The following LARP4 variants were observed in gnomAD, a reference collection of about 807,000 sequenced individuals.
LARP4 encodes la-related protein 4.
LARP4 carries 29 observed loss-of-function variants against 92.9 expected under a neutral mutation model. The ratio of observed to expected loss-of-function variants is 0.31; its 90% CI spans 0.23 to 0.43. The LOEUF (loss-of-function observed/expected upper bound fraction) is 0.43. LARP4 is among the 20% of genes least tolerant of loss of function. The pLI is 1.00. For missense variants in LARP4, 732 were observed against 860.0 expected (o/e 0.85, Z 1.86); for synonymous variants, 279 against 284.1 (o/e 0.98, Z 0.18).
At chr12:50,423,551 C>T (rs759494392) in intron 1 of LARP4, among the ~76,000 whole-genome samples, 41 of 152,160 alleles carry the variant, frequency 2.7e-4, no homozygotes, top group Non-Finnish European at 4.6e-4. Flanking sequence ...AGGGTTCCAG[C>T]GATTCTCCTG....
chr12:50,424,303 G>A (rs1370724671), intron 1 of LARP4, among the ~76,000 whole-genome samples: 4 of 152,034 alleles, frequency 2.6e-5, no homozygotes, highest in Non-Finnish European at 5.9e-5. Flanking sequence ...CCCGGAGTTT[G>A]AGGCTACAGT....
At chr12:50,465,805 A>G (rs2138862837) in intron 12 of LARP4, among the ~76,000 whole-genome samples, 1 of 152,330 alleles carries the variant, frequency 6.6e-6, no homozygotes, top group Non-Finnish European at 1.5e-5. Context: ...TATTTTTGTA[A>G]ATTTACAGAG....
In LARP4 at chr12:50,473,992, TCC is replaced by T; in HGVS notation, c.1668-6_1668-5del. Reference sequence around the variant, plus strand: ...CTGAGTCTAATTGCAAGCTCTTTTTTCCTTAGCACAACTCAGCAAGAAAAGGA... The same window carrying T: ...CTGAGTCTAATTGCAAGCTCTTTTTTTTAGCACAACTCAGCAAGAAAAGGA... On this transcript the variant is annotated splice_region_variant and splice_polypyrimidine_tract_variant and intron_variant, in intron 14 of 15. Transcript: ENST00000398473. The T allele has an allele frequency of 6.2e-7, 1 of 1,608,560 alleles. No individual in the cohort carries two copies. The highest frequency in any genetic ancestry group is 8.5e-7 in the Non-Finnish European group (1 of 1,178,868).
Position 50,477,001 on chromosome 12 carries a change from A to C in LARP4, c.*1137A>C, listed in dbSNP as rs983465657. On this transcript the variant is annotated 3_prime_UTR_variant, in exon 16 of 16. Coordinates refer to ENST00000398473, the MANE Select transcript of LARP4 (RefSeq NM_052879.5). ...CATAGTAACTGACTCTTAAGTGTTA[A>C]ATAATGTAGAAGTAAAAAAATTTTT... 5.3e-5 allele frequency: 8 copies of C among 152,364 alleles called. No individual in the cohort carries two copies. The highest frequency in any genetic ancestry group is 5.2e-4 in the Admixed American group (8 of 15,262). The allele number at this position is 152,364 out of a possible 1,614,324, so 9.4% of individuals were successfully genotyped here.
chr12:50,455,708 T>C (rs1954100046), intron 10 of LARP4, among the ~76,000 whole-genome samples: 1 of 152,212 alleles, frequency 6.6e-6, no homozygotes, highest in South Asian at 2.1e-4. Context: ...TACTCTTTAA[T>C]AGTCAGAGTT....
chr12:50,454,073 C>T (rs1162919583), intron 9 of LARP4, among the ~76,000 whole-genome samples: 2 of 152,102 alleles, frequency 1.3e-5, no homozygotes, highest in Non-Finnish European at 2.9e-5. Context: ...ATAACTTTTG[C>T]GTGATTTTAA....
At chr12:50,420,285 G>A (rs1947508594) in intron 1 of LARP4, among the ~76,000 whole-genome samples, 1 of 152,144 alleles carries the variant, frequency 6.6e-6, no homozygotes, top group African/African-American at 2.4e-5. Flanking sequence ...CTGGAAGAAC[G>A]ATCGTAAGAA....
chr12:50,426,731 G>GTGTGTGTGTGTGTGTGTGTGT (rs1483728898), intron 1 of LARP4, among the ~76,000 whole-genome samples: 3 of 79,738 alleles, frequency 3.8e-5, no homozygotes, highest in Admixed American at 1.4e-4. Flanking sequence ...GTGTGTGTGT[G>GTGTGTGTGTGTGTGTGTGTGT]GTTTTTTTTT....
chr12:50,446,003 CTTTTTTT>C (rs71441367), intron 8 of LARP4, among the ~76,000 whole-genome samples: 13 of 126,948 alleles, frequency 1.0e-4, no homozygotes, highest in African/African-American at 2.9e-4. Flanking sequence ...TTTCTTTTTT[CTTTTTTT>C]TTTTTTTTTT....
At chr12:50,415,421 A>C (rs1946595284) in intron 1 of LARP4, among the ~76,000 whole-genome samples, 1 of 152,084 alleles carries the variant, frequency 6.6e-6, no homozygotes, top group South Asian at 2.1e-4. Flanking sequence ...AATGATTTTG[A>C]TCAGTTATTA....
chr12:50,426,940 G>A (rs1226744227), intron 1 of LARP4, among the ~76,000 whole-genome samples: 2 of 151,832 alleles, frequency 1.3e-5, no homozygotes, highest in Non-Finnish European at 2.9e-5. Flanking sequence ...GTTTCTCTGT[G>A]TTGCCCAGGC....
chr12:50,451,755 A>G (rs991618071), intron 8 of LARP4, among the ~76,000 whole-genome samples: 2 of 151,670 alleles, frequency 1.3e-5, no homozygotes, highest in Non-Finnish European at 2.9e-5. Context: ...GATAATTGCT[A>G]GAACCTAGGA....
At chr12:50,458,150 G>C (rs1025907475) in intron 10 of LARP4, among the ~76,000 whole-genome samples, 9 of 151,774 alleles carry the variant, frequency 5.9e-5, no homozygotes, top group African/African-American at 1.7e-4. Context: ...TGTTGTGCAG[G>C]CTGGTCTCAA....
intron 1 of LARP4, among the ~76,000 whole-genome samples, chr12:50,403,853 G>C (rs537834805): frequency 2.6e-4 from 39 of 152,310 alleles, no homozygotes; most frequent in African/African-American, 7.9e-4. Flanking sequence ...AGGAACGTTT[G>C]ATGTTTTTGC....
intron 10 of LARP4, among the ~76,000 whole-genome samples, chr12:50,457,407 A>G (rs1454581831): frequency 6.6e-6 from 1 of 152,068 alleles, no homozygotes; most frequent in Admixed American, 6.5e-5. Flanking sequence ...GGGTTTCACC[A>G]TGTTGGCCAG....
In LARP4 at chr12:50,438,431, C is replaced by T. The variant is rs896786015; in HGVS notation, c.639+593C>T. On this transcript the variant is annotated intron_variant, in intron 6 of 15. Coordinates refer to ENST00000398473, the MANE Select transcript of LARP4 (RefSeq NM_052879.5). ...AGAATGGTGTGAACCTGGGAGCTTG[C>T]AGTGAGCTGAGATCAAGCCACTGCA... Among the ~76,000 whole-genome samples, 8 of 148,990 alleles carry T rather than the reference C, an allele frequency of 5.4e-5. No homozygotes were observed. The Admixed American group carries it at 5.4e-4, about 10-fold the overall frequency.
intron 1 of LARP4, among the ~76,000 whole-genome samples, chr12:50,404,553 T>C (rs982789634): frequency 6.6e-6 from 1 of 152,094 alleles, no homozygotes. Flanking sequence ...AGACCAACTA[T>C]ATTGACTTCA....
At chr12:50,406,558 T>A (rs1944878870) in intron 1 of LARP4, among the ~76,000 whole-genome samples, 1 of 152,182 alleles carries the variant, frequency 6.6e-6, no homozygotes, top group Non-Finnish European at 1.5e-5. Context: ...TGGAGTACAG[T>A]GGCTATTCAC....
rs758699442 is a variant in LARP4 at position 50,429,015 on chromosome 12, A to G, written c.247A>G (p.Thr83Ala). Residue 83 changes from threonine to alanine, a missense_variant, in exon 3 of 16, where the codon ACA (threonine) becomes GCA (alanine). Thr to Ala is a moderately conservative substitution (Grantham distance 58, BLOSUM62 0). Coordinates refer to ENST00000398473, the MANE Select transcript of LARP4 (RefSeq NM_052879.5). ...ATCTTGTGAAACCACAAGAAATACT[A>G]CAGGCATTGAAGAATCAACTGATGG... ...SSSCETTRNT[T>A]GIEESTDGMI... The G allele has an allele frequency of 1.1e-5, 17 of 1,610,556 alleles. No homozygotes were observed. Among genetic ancestry groups the G allele is most frequent in the East Asian group, 2.2e-5 (1 of 44,814 alleles).
Sources: allele counts gnomAD v4.1 joint callset (sites outside exome capture counted in the v4.1 genomes callset), GRCh38; gene constraint gnomAD v4.1.1; transcripts MANE v1.5; gene names NCBI Gene and HGNC (gene_info 2026-07-23, HGNC 2026-07-21).